NDUFA10: variants seen among roughly 807,000 people sequenced by gnomAD.
NDUFA10 encodes NADH dehydrogenase [ubiquinone] 1 alpha subcomplex subunit 10, mitochondrial.
In NDUFA10, 40 loss-of-function variants were observed where a neutral mutation model predicts 47.8. The ratio of observed to expected loss-of-function variants is 0.84; its 90% confidence interval spans 0.65 to 1.09. The LOEUF is 1.09. NDUFA10 is among the 50% of genes least tolerant of loss of function. NDUFA10 has a pLI of 0.00. For synonymous variants in NDUFA10, 183 were observed against 172.2 expected (o/e 1.06, Z -0.49); for missense variants, 413 against 451.1 (o/e 0.92, Z 0.76).
intron 9 of NDUFA10, among the ~76,000 whole-genome samples, chr2:239,971,893 C>T (rs1291642538): frequency 6.6e-6 from 1 of 152,174 alleles, no homozygotes; most frequent in African/African-American, 2.4e-5. Context: ...TTCCATTTAT[C>T]TGTCAATCAG....
chr2:240,017,898 AC>A, intron 4 of NDUFA10: 1 of 1,564,006 alleles, frequency 6.4e-7, no homozygotes. Flanking sequence ...GGCTCCAGCC[AC>A]CCCAGTCTAC....
chr2:240,001,243 T>C, intron 8 of NDUFA10, among the ~76,000 whole-genome samples: 1 of 152,090 alleles, frequency 6.6e-6, no homozygotes, highest in African/African-American at 2.4e-5. Flanking sequence ...ATTTCTAAGA[T>C]CAGAAAAATA....
intron 9 of NDUFA10, among the ~76,000 whole-genome samples, chr2:239,966,107 C>T (rs1189654192): frequency 2.0e-5 from 3 of 152,238 alleles, no homozygotes; most frequent in Non-Finnish European, 2.9e-5. Flanking sequence ...ATGACCCTGG[C>T]GTGTGTCAGT....
intron 4 of NDUFA10, among the ~76,000 whole-genome samples, chr2:239,930,182 CTCCTCCACCAG>C: frequency 6.6e-6 from 1 of 151,514 alleles, no homozygotes; most frequent in Non-Finnish European, 1.5e-5. Flanking sequence ...ACCGCCCCTG[CTCCTCCACCAG>C]CCCTGCTTCT....
intron 4 of NDUFA10, among the ~76,000 whole-genome samples, chr2:239,942,380 G>GC (rs1272069889): frequency 6.6e-6 from 1 of 152,236 alleles, no homozygotes; most frequent in African/African-American, 2.4e-5. Flanking sequence ...GGAGGCTGGG[G>GC]CCGCTGGTCC....
intron 4 of NDUFA10, among the ~76,000 whole-genome samples, chr2:239,914,398 CACAG>C (rs1304451143): frequency 2.7e-5 from 4 of 150,012 alleles, no homozygotes; most frequent in East Asian, 4.0e-4. Flanking sequence ...CACATACATA[CACAG>C]ACACACACAA....
At chr2:239,966,000 AG>A (rs1473852985) in intron 9 of NDUFA10, among the ~76,000 whole-genome samples, 2 of 152,244 alleles carry the variant, frequency 1.3e-5, no homozygotes, top group African/African-American at 4.8e-5. Flanking sequence ...GAAATCAAAA[AG>A]GAAGTTTACT....
At chr2:239,952,329 T>G (rs1694570288) in intron 4 of NDUFA10, among the ~76,000 whole-genome samples, 1 of 151,776 alleles carries the variant, frequency 6.6e-6, no homozygotes, top group African/African-American at 2.4e-5. Context: ...GGAGCAGACC[T>G]CCTGGGCAGA....
intron 5 of NDUFA10, chr2:240,013,543 A>G (rs990897326): frequency 6.6e-6 from 1 of 152,228 alleles, no homozygotes; most frequent in Non-Finnish European, 1.5e-5. Flanking sequence ...CACTTGATGG[A>G]AGGTTCTTAG....
chr2:240,020,332 A>T (rs1294812447), intron 3 of NDUFA10, among the ~76,000 whole-genome samples: 1 of 152,186 alleles, frequency 6.6e-6, no homozygotes, highest in Non-Finnish European at 1.5e-5. Flanking sequence ...CGAAGGCCCT[A>T]AGAGTCCACC....
chr2:240,021,159 A>G, intron 3 of NDUFA10, 38 bp downstream of exon 3: 1 of 1,553,882 alleles, frequency 6.4e-7, no homozygotes, highest in African/African-American at 1.4e-5. Flanking sequence ...AATAGTGTTC[A>G]AGTACAGAAC....
intron 4 of NDUFA10, among the ~76,000 whole-genome samples, chr2:239,946,607 T>C (rs1055399686): frequency 6.6e-6 from 1 of 152,222 alleles, no homozygotes; most frequent in African/African-American, 2.4e-5. Flanking sequence ...CTCCAGCTCA[T>C]CTCGATGAAT....
chr2:239,903,764 C>T (rs1165597532), intron 4 of NDUFA10, among the ~76,000 whole-genome samples: 2 of 152,246 alleles, frequency 1.3e-5, no homozygotes, highest in South Asian at 2.1e-4. Flanking sequence ...CCAGTTTCTT[C>T]CCTTCTCACA....
In NDUFA10 at chr2:239,963,988, G is replaced by C. The variant is rs143385642; in HGVS notation, c.1000-2802C>G. Among the ~76,000 whole-genome samples, 76 of 152,324 alleles carry C rather than the reference G, an allele frequency of 5.0e-4. No homozygotes were observed. The East Asian group carries it at 0.014, about 28-fold the overall frequency. ...GGTGGGAAAAGACCACACTAGCGGG[G>C]AAGCAGTCAGCAGCTGAGGAAGGGG... On this transcript the variant is annotated intron_variant, in intron 9 of 9. Coordinates refer to ENST00000252711, the MANE Select transcript of NDUFA10 (RefSeq NM_004544.4).
chr2:239,955,277 A>G (rs539870313), downstream of NDUFA10, among the ~76,000 whole-genome samples: 7 of 152,278 alleles, frequency 4.6e-5, no homozygotes, highest in South Asian at 1.5e-3. Context: ...AAGGGGCCAG[A>G]GTGGGTGGAG....
intron 4 of NDUFA10, among the ~76,000 whole-genome samples, chr2:239,919,963 G>A (rs919291455): frequency 1.3e-5 from 2 of 152,194 alleles, no homozygotes; most frequent in Non-Finnish European, 2.9e-5. Flanking sequence ...ACGGTCCAAG[G>A]CCTGAAATTA....
At chr2:239,915,563 G>GGCAC (rs1559277866) in intron 4 of NDUFA10, among the ~76,000 whole-genome samples, 1 of 133,168 alleles carries the variant, frequency 7.5e-6, no homozygotes, top group African/African-American at 3.1e-5. Flanking sequence ...CACATACACA[G>GGCAC]ACACAAATAT....
chr2:239,963,945 C>A (rs1559324746), intron 9 of NDUFA10, among the ~76,000 whole-genome samples: 1 of 152,124 alleles, frequency 6.6e-6, no homozygotes, highest in Non-Finnish European at 1.5e-5. Flanking sequence ...TAGCTCTGCA[C>A]GAAGACAGGA....
At chr2:239,984,603 AG>A (rs1695922435) in intron 9 of NDUFA10, among the ~76,000 whole-genome samples, 1 of 152,260 alleles carries the variant, frequency 6.6e-6, no homozygotes, top group Admixed American at 6.5e-5. Context: ...AAAAACTGCT[AG>A]GTGAGCTCAC....
Sources: allele counts gnomAD v4.1 joint callset (sites outside exome capture counted in the v4.1 genomes callset), GRCh38; gene constraint gnomAD v4.1.1; transcripts MANE v1.5; gene names NCBI Gene and HGNC (gene_info 2026-07-23, HGNC 2026-07-21).